The following WHRN variants were observed in gnomAD, a reference collection of about 807,000 sequenced individuals.
WHRN encodes whirlin, also known as CASK-interacting protein CIP98.
Under a neutral mutation model 68.3 loss-of-function variants are expected in WHRN, and 41 were observed. That is an observed-to-expected ratio of 0.60 (90% CI 0.47 to 0.78). The LOEUF is 0.78. WHRN is among the 30% of genes least tolerant of loss of function. WHRN has a pLI of 0.00. For missense variants in WHRN, 1,243 were observed against 1,244.7 expected (o/e 1.00, Z 0.02); for synonymous variants, 560 against 561.3 (o/e 1.00, Z 0.03).
chr9:114,462,634 G>A (rs950485486), intron 3 of WHRN, among the ~76,000 whole-genome samples: 7 of 152,188 alleles, frequency 4.6e-5, no homozygotes, highest in Admixed American at 1.3e-4. Context: ...GCTGTAAACT[G>A]AGGACTGACA....
At chr9:114,433,567 T>C (rs1180162866) in intron 3 of WHRN, among the ~76,000 whole-genome samples, 2 of 152,228 alleles carry the variant, frequency 1.3e-5, no homozygotes, top group Admixed American at 6.5e-5. Context: ...TAGTTTTCCA[T>C]GTCAGGTGTA....
At chr9:114,500,742 G>A (rs1019168038) in intron 1 of WHRN, among the ~76,000 whole-genome samples, 4 of 152,214 alleles carry the variant, frequency 2.6e-5, no homozygotes, top group Non-Finnish European at 5.9e-5. Context: ...AATGCTCCCA[G>A]GGCGGTGCTG....
intron 3 of WHRN, among the ~76,000 whole-genome samples, chr9:114,434,433 C>T (rs1175459300): frequency 6.6e-6 from 1 of 152,096 alleles, no homozygotes; most frequent in African/African-American, 2.4e-5. Flanking sequence ...TTCACTCCCC[C>T]AGTCACACAA....
rs746717260 is a variant in WHRN at position 114,504,383 on chromosome 9, A to T, written c.419T>A (p.Leu140Gln). ...PDSAGPGEVR[L>Q]VSLRRAKAHE... ...GGCCTTGGCACGCCGCAAACTCACC[A>T]GGCGCACCTCCCCTGGCCCCGCGCT... Residue 140 changes from leucine (L) to glutamine (Q), a missense_variant, in exon 1 of 12, where the codon CTG becomes CAG. Leu to Gln is a moderately radical substitution (Grantham distance 113). Transcript: ENST00000362057. 1.2e-6 allele frequency: 2 copies of T among 1,606,392 alleles called. No individual in the cohort carries two copies. The highest frequency in any genetic ancestry group is 4.5e-5 in the East Asian group (2 of 44,868).
rs1347597157 is a variant in WHRN, at chr9:114,486,941, TTG to T, written c.619-8172_619-8171del. ...TGTGTGTGTAGAGTGTGTGTGTGTG[TTG>T]TGTGTGTGTGTGTGTGTATATATAT... On this transcript the variant is annotated intron_variant, in intron 1 of 11. Coordinates refer to ENST00000362057, the MANE Select transcript of WHRN (RefSeq NM_015404.4). Among the ~76,000 whole-genome samples, 7 of 5,424 alleles carry T rather than the reference TTG, an allele frequency of 1.3e-3. 1 individual carries two copies. The highest frequency in any genetic ancestry group is 1.7e-3 in the African/African-American group (7 of 4,024). The allele number at this position is 5,424 out of a possible 152,430, so 3.6% of individuals were successfully genotyped here.
At chr9:114,429,013 C>A (rs1356802445) in intron 3 of WHRN, among the ~76,000 whole-genome samples, 1 of 152,080 alleles carries the variant, frequency 6.6e-6, no homozygotes, top group Admixed American at 6.5e-5. Context: ...TCACTGCAAC[C>A]TCCACCTCCT....
At chr9:114,488,554 G>A (rs1589252013) in intron 1 of WHRN, among the ~76,000 whole-genome samples, 1 of 152,182 alleles carries the variant, frequency 6.6e-6, no homozygotes, top group South Asian at 2.1e-4. Context: ...AGACAGGGGA[G>A]GGTTTTTAAA....
At chr9:114,487,197 T>C (rs1008253853) in intron 1 of WHRN, among the ~76,000 whole-genome samples, 28 of 149,922 alleles carry the variant, frequency 1.9e-4, no homozygotes, top group Non-Finnish European at 3.7e-4. Flanking sequence ...AATTTTTTTT[T>C]TTTTTTTGTC....
intron 1 of WHRN, chr9:114,503,401 T>C (rs1844108200): frequency 6.5e-6 from 1 of 153,636 alleles, no homozygotes. Context: ...CCCAACACTA[T>C]CCATCATACT....
chr9:114,469,510 A>G (rs903409329), intron 2 of WHRN, among the ~76,000 whole-genome samples: 15 of 152,174 alleles, frequency 9.9e-5, no homozygotes, highest in African/African-American at 2.9e-4. Flanking sequence ...GGAGCACCTC[A>G]CCAGGGTCAC....
At chr9:114,487,013 T>C (rs1842601039) in intron 1 of WHRN, among the ~76,000 whole-genome samples, 1 of 114,944 alleles carries the variant, frequency 8.7e-6, no homozygotes, top group Admixed American at 9.5e-5. Context: ...ATATATAATA[T>C]ATATAGTGTT....
At chr9:114,406,166 T>C (rs1835007438) in intron 9 of WHRN, among the ~76,000 whole-genome samples, 189 bp downstream of exon 9, 1 of 152,124 alleles carries the variant, frequency 6.6e-6, no homozygotes, top group Non-Finnish European at 1.5e-5. Context: ...CGGCAGCTTG[T>C]CCACAGTCAC....
intron 1 of WHRN, among the ~76,000 whole-genome samples, chr9:114,482,222 C>T (rs1430443480): frequency 6.6e-6 from 1 of 152,182 alleles, no homozygotes; most frequent in East Asian, 1.9e-4. Flanking sequence ...ATCCGGCACA[C>T]AGTAGGTCCT....
At chr9:114,495,286 A>G (rs891559326) in intron 1 of WHRN, among the ~76,000 whole-genome samples, 2 of 152,326 alleles carry the variant, frequency 1.3e-5, no homozygotes, top group South Asian at 2.1e-4. Flanking sequence ...GGTCAACAGG[A>G]TGGACATCAG....
At chr9:114,429,628 T>C (rs1589121395) in intron 3 of WHRN, among the ~76,000 whole-genome samples, 1 of 152,184 alleles carries the variant, frequency 6.6e-6, no homozygotes, top group Non-Finnish European at 1.5e-5. Flanking sequence ...CCCTGGCTGG[T>C]CTCCCTGTAA....
chr9:114,408,551 C>A (rs1487157248), intron 7 of WHRN, among the ~76,000 whole-genome samples: 1 of 152,216 alleles, frequency 6.6e-6, no homozygotes, highest in Non-Finnish European at 1.5e-5. Flanking sequence ...AGAAGAAACC[C>A]AATGCCTCCT....
chr9:114,425,918 T>A (rs999337640), intron 4 of WHRN: 20 of 465,452 alleles, frequency 4.3e-5, no homozygotes, highest in Non-Finnish European at 6.8e-5. Context: ...GAGGGCAGGG[T>A]TATGGTCCCC....
At chr9:114,495,232 G>C (rs1041396831) in intron 1 of WHRN, among the ~76,000 whole-genome samples, 3 of 152,238 alleles carry the variant, frequency 2.0e-5, no homozygotes, top group Admixed American at 6.5e-5. Flanking sequence ...CAGGGTTGTA[G>C]ACAGGGCACA....
chr9:114,487,183 A>T (rs1842621084), intron 1 of WHRN, among the ~76,000 whole-genome samples: 1 of 141,580 alleles, frequency 7.1e-6, no homozygotes, highest in African/African-American at 2.9e-5. Flanking sequence ...AGATACCAAA[A>T]AAAAATTTTT....
Sources: gnomAD v4.1 joint callset for allele counts (sites outside exome capture counted in the v4.1 genomes callset) on GRCh38, gnomAD v4.1.1 for gene constraint, MANE v1.5 for transcripts, NCBI Gene and HGNC (gene_info 2026-07-23, HGNC 2026-07-21) for gene names.